SDK1: variants seen among roughly 807,000 people sequenced by gnomAD.
SDK1 encodes sidekick cell adhesion molecule 1.
In SDK1, 157 loss-of-function variants were observed where a neutral mutation model predicts 245.5. The observed-to-expected ratio is 0.64, with a 90% CI of 0.56 to 0.73. SDK1 has a LOEUF of 0.73. SDK1 is among the 30% of genes least tolerant of loss of function. SDK1 has a pLI of 0.00. For missense variants in SDK1, 3,583 were observed against 3,002.3 expected (o/e 1.19, Z -4.52); for synonymous variants, 1,647 against 1,278.5 (o/e 1.29, Z -6.15).
chr7:3,712,604 A>C (rs559182915), intron 4 of SDK1, among the ~76,000 whole-genome samples: 1 of 152,234 alleles, frequency 6.6e-6, no homozygotes, highest in East Asian at 1.9e-4. Flanking sequence ...GCTGCTCTAC[A>C]GCATTATAAC....
At chr7:3,506,447 G>A (rs1782395515) in intron 1 of SDK1, among the ~76,000 whole-genome samples, 1 of 151,834 alleles carries the variant, frequency 6.6e-6, no homozygotes, top group Non-Finnish European at 1.5e-5. Context: ...TCTCTTTTGG[G>A]TTTCGTCTTT....
At chr7:3,374,005 T>A (rs561216097) in intron 1 of SDK1, among the ~76,000 whole-genome samples, 1 of 152,352 alleles carries the variant, frequency 6.6e-6, no homozygotes, top group African/African-American at 2.4e-5. Flanking sequence ...TAAGAATAGC[T>A]AACTTTGTAA....
At chr7:3,629,619 G>T (rs1470822341) in intron 2 of SDK1, among the ~76,000 whole-genome samples, 1 of 152,170 alleles carries the variant, frequency 6.6e-6, no homozygotes, top group African/African-American at 2.4e-5. Context: ...ATACTGCTCT[G>T]GTTCTGCCTA....
chr7:3,444,494 G>C (rs765807420), intron 1 of SDK1, among the ~76,000 whole-genome samples: 1 of 152,188 alleles, frequency 6.6e-6, no homozygotes, highest in Non-Finnish European at 1.5e-5. Flanking sequence ...GTACTAAAAA[G>C]AGGAACTATT....
intron 1 of SDK1, among the ~76,000 whole-genome samples, chr7:3,348,495 C>T (rs1301554783): frequency 1.4e-5 from 2 of 145,400 alleles, no homozygotes; most frequent in Admixed American, 7.0e-5. Flanking sequence ...GAGAACTAAA[C>T]ATCGAGTGCA....
chr7:3,616,233 A>T (rs868354207), intron 1 of SDK1, among the ~76,000 whole-genome samples: 1 of 152,064 alleles, frequency 6.6e-6, no homozygotes, highest in African/African-American at 2.4e-5. Context: ...TCATTATCAT[A>T]TTGACAGTAC....
chr7:3,917,500 A>G (rs533895806), intron 5 of SDK1, among the ~76,000 whole-genome samples: 156 of 152,224 alleles, frequency 1.0e-3, no homozygotes, highest in African/African-American at 3.7e-3. Flanking sequence ...CCCTGTGCTC[A>G]GGGGCATCAG....
intron 1 of SDK1, among the ~76,000 whole-genome samples, chr7:3,604,111 C>T (rs765927359): frequency 1.2e-4 from 19 of 152,110 alleles, no homozygotes; most frequent in African/African-American, 2.9e-4. Context: ...ATTTTTGCAT[C>T]GATGTTCATC....
At chr7:3,345,569 T>C (rs942998281) in intron 1 of SDK1, among the ~76,000 whole-genome samples, 3 of 151,896 alleles carry the variant, frequency 2.0e-5, no homozygotes, top group Non-Finnish European at 4.4e-5. Context: ...AGTTATCTTT[T>C]TTTCCAGGAA....
chr7:3,591,924 AT>A (rs1780888158), intron 1 of SDK1, among the ~76,000 whole-genome samples: 1 of 152,254 alleles, frequency 6.6e-6, no homozygotes, highest in Non-Finnish European at 1.5e-5. Context: ...ACTGGGGTCA[AT>A]AAATTTCCAC....
chr7:4,181,785 C>G (rs1373707313), intron 35 of SDK1, among the ~76,000 whole-genome samples: 1 of 152,224 alleles, frequency 6.6e-6, no homozygotes, highest in Non-Finnish European at 1.5e-5. Flanking sequence ...CGTGGCCACA[C>G]TGCACTGCTC....
chr7:3,749,493 G>C (rs1562415351), intron 4 of SDK1, among the ~76,000 whole-genome samples: 1 of 152,176 alleles, frequency 6.6e-6, no homozygotes, highest in Admixed American at 6.5e-5. Flanking sequence ...TAGAGACAGG[G>C]TTTCACCATG....
intron 1 of SDK1, among the ~76,000 whole-genome samples, chr7:3,597,994 T>G (rs1204708056): frequency 1.3e-5 from 2 of 152,322 alleles, no homozygotes; most frequent in African/African-American, 2.4e-5. Context: ...GGTATTTAAT[T>G]TTATGATAAA....
At chr7:3,925,690 C>A (rs777591210) in intron 5 of SDK1, among the ~76,000 whole-genome samples, 3 of 152,262 alleles carry the variant, frequency 2.0e-5, no homozygotes, top group East Asian at 3.9e-4. Context: ...TGAAGAAATG[C>A]TAAAGAGAAG....
chr7:3,888,360 C>T lies in SDK1; in HGVS notation c.848-62563C>T, dbSNP rs117191539. Among the ~76,000 whole-genome samples the T allele has an allele frequency of 2.6e-3, 399 of 152,316 alleles. 12 individuals are homozygous for T. In the East Asian group the frequency reaches 0.064, roughly 24 times the overall value. ...CTGGCCCACAGCATCGGGGTGGAAC[C>T]AGAAATGGCTCCTGCGGAGAGCAAA... On this transcript the variant is annotated intron_variant, in intron 5 of 44. Coordinates refer to ENST00000404826, the MANE Select transcript of SDK1 (RefSeq NM_152744.4).
chr7:3,649,280 C>T (rs1782937161), intron 4 of SDK1, among the ~76,000 whole-genome samples: 1 of 152,142 alleles, frequency 6.6e-6, no homozygotes, highest in African/African-American at 2.4e-5. Context: ...TTTTAAAAAA[C>T]ACCTTATAGA....
intron 1 of SDK1, among the ~76,000 whole-genome samples, chr7:3,496,857 C>T (rs1186444517): frequency 2.0e-5 from 3 of 152,086 alleles, no homozygotes; most frequent in African/African-American, 4.8e-5. Flanking sequence ...AAATCCTTTC[C>T]CCCCACCACA....
At position 3,358,752 on chromosome 7, in the gene SDK1, C is replaced by T. The variant is rs190258626; in HGVS notation, c.298+56868C>T. Among the ~76,000 whole-genome samples, 72 of 152,270 alleles carry T rather than the reference C, an allele frequency of 4.7e-4. 1 individual carries two copies. The highest frequency in any genetic ancestry group is 2.8e-3 in the Admixed American group (43 of 15,304). On this transcript the variant is annotated intron_variant, in intron 1 of 44. Transcript: ENST00000404826. ...GAAGACTTAATTTGAGGTCTTTATA[C>T]GTACTTGCGCTACAGTAAATAAGAA...
rs765690257 is a variant in SDK1, at chr7:3,950,952, C to A, written c.877C>A (p.Pro293Thr). 6.2e-7 allele frequency: 1 copy of A among 1,614,072 alleles called. No individual in the cohort carries two copies. Among genetic ancestry groups the A allele is most frequent in the South Asian group, 1.1e-5 (1 of 91,062 alleles). Reference sequence around the variant, plus strand: ...TGTTGGCACACCTGAAACCATGGCCCCAACCATTGTGGTTCCCCCGGGCAA... The same window carrying A: ...TGTTGGCACACCTGAAACCATGGCCACAACCATTGTGGTTCCCCCGGGCAA... Reference protein sequence around the residue: ...RDVGTPETMAPTIVVPPGNRS... With the variant: ...RDVGTPETMATTIVVPPGNRS... Residue 293 changes from proline to threonine, a missense_variant, in exon 6 of 45, where the codon CCA (proline) becomes ACA (threonine). By Grantham distance (38) the Pro-to-Thr change is conservative. Transcript: ENST00000404826.
Sources: gnomAD v4.1 joint callset for allele counts (sites outside exome capture counted in the v4.1 genomes callset) on GRCh38, gnomAD v4.1.1 for gene constraint, MANE v1.5 for transcripts, NCBI Gene and HGNC (gene_info 2026-07-23, HGNC 2026-07-21) for gene names.